Variants in AP3S1 observed in about 807,000 individuals in gnomAD.
The protein encoded by AP3S1 is AP-3 complex subunit sigma-1.
In AP3S1, 12 loss-of-function variants were observed where a neutral mutation model predicts 21.3. The observed-to-expected ratio is 0.56, with a 90% CI of 0.36 to 0.91. The LOEUF (loss-of-function observed/expected upper bound fraction) is 0.91, where lower values mean the gene tolerates loss of function less well. Among genes scored for constraint, AP3S1 ranks in the 40% least tolerant of loss-of-function variants. AP3S1 has a pLI of 0.01. For synonymous variants in AP3S1, 48 were observed against 78.4 expected (o/e 0.61, Z 2.05); for missense variants, 116 against 225.0 (o/e 0.52, Z 3.10).
chr5:115,912,569 A>G (rs967456584), intron 5 of AP3S1, among the ~76,000 whole-genome samples: 1 of 152,056 alleles, frequency 6.6e-6, no homozygotes, highest in Admixed American at 6.5e-5. Context: ...AAATTTTAGA[A>G]TTCATTTATT....
chr5:115,842,549 C>G (rs1194901811), intron 1 of AP3S1: 1 of 160,056 alleles, frequency 6.2e-6, no homozygotes, highest in Non-Finnish European at 1.4e-5. Flanking sequence ...TCTTCTCGCC[C>G]CCCTCCGCCG....
At chr5:115,888,640 T>C (rs1750004258) in intron 3 of AP3S1, among the ~76,000 whole-genome samples, 1 of 152,128 alleles carries the variant, frequency 6.6e-6, no homozygotes, top group Non-Finnish European at 1.5e-5. Flanking sequence ...TTTTTTTACA[T>C]GTGATATTGT....
At chr5:115,852,145 C>CAT (rs1350355997) in intron 1 of AP3S1, among the ~76,000 whole-genome samples, 1 of 152,070 alleles carries the variant, frequency 6.6e-6, no homozygotes, top group Non-Finnish European at 1.5e-5. Context: ...AGATTGTTCT[C>CAT]AAATACTCTT....
At chr5:115,913,288 C>T in intron 5 of AP3S1, 74 bp from the exon 6 acceptor site, 1 of 1,036,044 alleles carries the variant, frequency 9.7e-7, no homozygotes, top group South Asian at 3.3e-5. Flanking sequence ...CATTGTCTTC[C>T]ATTGTAAGTG....
chr5:115,862,828 T>G (rs935181706), intron 1 of AP3S1, among the ~76,000 whole-genome samples: 1 of 152,190 alleles, frequency 6.6e-6, no homozygotes, highest in Non-Finnish European at 1.5e-5. Flanking sequence ...ACTAGTGATG[T>G]TGGAAGTGCT....
chr5:115,907,821 TAAAAGTTCC>T (rs1751775601), intron 5 of AP3S1, among the ~76,000 whole-genome samples: 2 of 152,308 alleles, frequency 1.3e-5, no homozygotes, highest in Admixed American at 1.3e-4. Flanking sequence ...ATTACTTTTT[TAAAAGTTCC>T]ATGTACGTGG....
chr5:115,850,652 T>C (rs1160753453), intron 1 of AP3S1, among the ~76,000 whole-genome samples: 1 of 152,232 alleles, frequency 6.6e-6, no homozygotes, highest in Non-Finnish European at 1.5e-5. Flanking sequence ...TTTTAGCACG[T>C]CTTCGAAGTT....
rs183150868 is a variant in AP3S1, at chr5:115,880,769, C to T, written c.273+10641C>T. 3.3e-5 allele frequency among the ~76,000 whole-genome samples: 5 copies of T among 152,234 alleles called. No homozygotes were observed. In the East Asian group the frequency reaches 9.6e-4, roughly 29 times the overall value. On this transcript the variant is annotated intron_variant, in intron 3 of 5. Coordinates refer to ENST00000316788, the MANE Select transcript of AP3S1 (RefSeq NM_001284.4). ...CCGAATATCCTTGTTAATTTTCTGT[C>T]TTGTGGATCTGTCTAATATTGACAA...
intron 3 of AP3S1, among the ~76,000 whole-genome samples, chr5:115,875,303 G>C (rs560876946): frequency 1.8e-3 from 280 of 152,224 alleles, no homozygotes; most frequent in African/African-American, 6.4e-3. Flanking sequence ...ACTTAAGTGA[G>C]GAAAGGTCTC....
At chr5:115,900,981 A>G (rs576215239) in intron 4 of AP3S1, among the ~76,000 whole-genome samples, 6 of 152,192 alleles carry the variant, frequency 3.9e-5, no homozygotes, top group Non-Finnish European at 5.9e-5. Context: ...TTATAAAAAT[A>G]TGTGTCTAAT....
At chr5:115,891,262 G>A (rs1750275071) in intron 3 of AP3S1, among the ~76,000 whole-genome samples, 1 of 152,104 alleles carries the variant, frequency 6.6e-6, no homozygotes, top group African/African-American at 2.4e-5. Context: ...TACTTCCACA[G>A]TCACTCAGTA....
chr5:115,911,784 G>T (rs1221608743), intron 5 of AP3S1, among the ~76,000 whole-genome samples: 1 of 151,714 alleles, frequency 6.6e-6, no homozygotes, highest in African/African-American at 2.4e-5. Context: ...ATCTTTGGGG[G>T]AGCAGGAAGG....
At chr5:115,888,581 C>T (rs1235201020) in intron 3 of AP3S1, among the ~76,000 whole-genome samples, 1 of 151,952 alleles carries the variant, frequency 6.6e-6, no homozygotes, top group African/African-American at 2.4e-5. Flanking sequence ...TAATAACATG[C>T]AGTTATAATG....
chr5:115,856,782 A>G (rs1762832438), intron 1 of AP3S1, among the ~76,000 whole-genome samples: 2 of 152,218 alleles, frequency 1.3e-5, no homozygotes, highest in African/African-American at 4.8e-5. Context: ...CAACGTATCT[A>G]TAATCTCACC....
chr5:115,861,678 C>T (rs1199476916), intron 1 of AP3S1, among the ~76,000 whole-genome samples: 2 of 151,896 alleles, frequency 1.3e-5, no homozygotes, highest in Non-Finnish European at 2.9e-5. Context: ...CCTCAGCCTC[C>T]CAAGTAGCTG....
At chr5:115,854,616 G>T (rs1187043877) in intron 1 of AP3S1, among the ~76,000 whole-genome samples, 1 of 151,794 alleles carries the variant, frequency 6.6e-6, no homozygotes, top group Non-Finnish European at 1.5e-5. Context: ...CTTTGCTAGG[G>T]TCTTCTCTTT....
chr5:115,883,393 A>G (rs570415544), intron 3 of AP3S1, among the ~76,000 whole-genome samples: 12 of 152,158 alleles, frequency 7.9e-5, no homozygotes, highest in Non-Finnish European at 1.6e-4. Context: ...AAAGTGTAGT[A>G]TCTGGGCTGG....
At chr5:115,902,540 T>C (rs1458482272) in intron 4 of AP3S1, among the ~76,000 whole-genome samples, 1 of 152,176 alleles carries the variant, frequency 6.6e-6, no homozygotes, top group African/African-American at 2.4e-5. Flanking sequence ...TATTTTAGTA[T>C]TAAACTTCAC....
intron 3 of AP3S1, among the ~76,000 whole-genome samples, chr5:115,883,342 C>T (rs760837990): frequency 1.2e-4 from 18 of 152,154 alleles, no homozygotes; most frequent in Non-Finnish European, 2.5e-4. Context: ...TATAGGCACC[C>T]GAGGGAATCT....
Sources: gnomAD v4.1 joint callset for allele counts (sites outside exome capture counted in the v4.1 genomes callset) on GRCh38, gnomAD v4.1.1 for gene constraint, MANE v1.5 for transcripts, NCBI Gene and HGNC (gene_info 2026-07-23, HGNC 2026-07-21) for gene names.